XPC: variants seen among roughly 807,000 people sequenced by gnomAD.
XPC encodes XPC complex subunit, DNA damage recognition and repair factor.
A neutral mutation model predicts 95.8 loss-of-function variants in XPC; 76 were observed. That is an observed-to-expected ratio of 0.79 (90% CI 0.66 to 0.96). XPC has a LOEUF of 0.96. XPC is among the 40% of genes least tolerant of loss of function. The pLI is 0.00. For missense variants in XPC, 1,146 were observed against 1,179.8 expected, an observed-to-expected ratio of 0.97 and a Z score of 0.42; for synonymous variants, 442 against 442.1, an observed-to-expected ratio of 1.00 and a Z score of 0.00.
intron 4 of XPC, 52 bp from the exon 5 acceptor site, chr3:14,167,305 C>A (rs953379559): frequency 6.8e-7 from 1 of 1,481,046 alleles, no homozygotes; most frequent in Non-Finnish European, 9.3e-7. Flanking sequence ...TGAAACCAGA[C>A]TCCACTCCCC....
chr3:14,156,544 A>G, intron 9 of XPC, 49 bp from the exon 10 acceptor site: 1 of 1,612,412 alleles, frequency 6.2e-7, no homozygotes, highest in East Asian at 2.2e-5. Context: ...AGAAGAGGAA[A>G]TGAAGTTTGA....
At chr3:14,168,515 T>C (rs558077665) in intron 3 of XPC, 135 bp from the exon 4 acceptor site, 2 of 1,061,922 alleles carry the variant, frequency 1.9e-6, no homozygotes, top group African/African-American at 1.6e-5. Flanking sequence ...CAGAGACCCC[T>C]AGACATGCCT....
In XPC at chr3:14,172,750, T is replaced by C. The variant is rs1052811951; in HGVS notation, c.299+117A>G. On this transcript the variant is annotated intron_variant, in intron 2 of 15. Coordinates refer to ENST00000285021, the MANE Select transcript of XPC (RefSeq NM_004628.5). ...CCGGTCTGAGTTGTACCTAGAAGAA[T>C]TTAAAGATCCAATCTTCCATGGACC... 8 of 1,219,730 alleles carry C rather than the reference T, an allele frequency of 6.6e-6. No individual in the cohort carries two copies. The African/African-American group carries it at 7.7e-5, about 12-fold the overall frequency. The allele number at this position is 1,219,730 out of a possible 1,614,324, so 75.6% of individuals were successfully genotyped here. A position where few individuals can be genotyped will look rare whatever the true frequency, so the allele number is the denominator to read the frequency against.
intron 4 of XPC, among the ~76,000 whole-genome samples, chr3:14,168,016 C>T (rs1433360174): frequency 3.3e-5 from 5 of 151,444 alleles, no homozygotes; most frequent in Admixed American, 2.6e-4. Flanking sequence ...GGTAAGATAA[C>T]GGATGACCTG....
intron 15 of XPC, among the ~76,000 whole-genome samples, 176 bp downstream of exon 15, chr3:14,147,114 G>T (rs1434392073): frequency 3.3e-5 from 5 of 152,198 alleles, no homozygotes; most frequent in African/African-American, 7.2e-5. Context: ...TCACTCCAGG[G>T]ACACCTTTCC....
chr3:14,162,693 A>C (rs1425428044), intron 7 of XPC, among the ~76,000 whole-genome samples: 1 of 152,232 alleles, frequency 6.6e-6, no homozygotes, highest in Non-Finnish European at 1.5e-5. Flanking sequence ...GTCGATCTTT[A>C]TGACCTTGGA....
Position 14,165,503 on chromosome 3 carries a change from G to C in XPC, c.704C>G (p.Ser235Cys). The change falls in exon 6 of 16, where the codon TCC becomes TGC. Residue 235 changes from serine (S) to cysteine (C), a missense_variant. Transcript: ENST00000285021. ...TCTGGTAAAGCGGGCTGGGATGATG[G>C]ACAGGCCAATAGCATGCAGATCTGG... Reference protein sequence around the residue: ...SQPDLHAIGLSIIPARFTRVL... With the variant: ...SQPDLHAIGLCIIPARFTRVL... The C allele has an allele frequency of 6.2e-7, 1 of 1,609,846 alleles. No individual in the cohort carries two copies. The highest frequency in any genetic ancestry group is 1.1e-5 in the South Asian group (1 of 89,956).
intron 7 of XPC, among the ~76,000 whole-genome samples, chr3:14,162,942 A>C (rs1696220295): frequency 1.3e-5 from 2 of 152,214 alleles, no homozygotes; most frequent in African/African-American, 4.8e-5. Context: ...CATAATTAAA[A>C]AATAGGCAAA....
chr3:14,149,331 C>G (rs987122930), intron 11 of XPC, among the ~76,000 whole-genome samples: 1 of 151,920 alleles, frequency 6.6e-6, no homozygotes, highest in Non-Finnish European at 1.5e-5. Context: ...GTGATGCACT[C>G]GCCTCAACCT....
chr3:14,167,986 C>G (rs1696452748), intron 4 of XPC, among the ~76,000 whole-genome samples: 1 of 152,190 alleles, frequency 6.6e-6, no homozygotes, highest in Non-Finnish European at 1.5e-5. Flanking sequence ...TCCTCATTCA[C>G]AACACTGTTC....
At chr3:14,170,754 ATTAC>A in intron 2 of XPC, 1 of 418,460 alleles carries the variant, frequency 2.4e-6, no homozygotes, top group Non-Finnish European at 4.3e-6. Flanking sequence ...CATCTGTCTA[ATTAC>A]TACCAGATGT....
At chr3:14,157,952 A>T in intron 9 of XPC, 59 bp downstream of exon 9, 3 of 1,530,974 alleles carry the variant, frequency 2.0e-6, no homozygotes, top group Non-Finnish European at 2.6e-6. Flanking sequence ...GTGCTCAAAA[A>T]CAGGAATAAT....
intron 11 of XPC, among the ~76,000 whole-genome samples, chr3:14,151,074 G>A (rs1695669552): frequency 6.6e-6 from 1 of 152,090 alleles, no homozygotes; most frequent in African/African-American, 2.4e-5. Context: ...GGCAGGAGCT[G>A]GGGTGGTGGG....
intron 4 of XPC, 86 bp downstream of exon 4, chr3:14,168,171 C>A: frequency 6.7e-7 from 1 of 1,483,394 alleles, no homozygotes; most frequent in African/African-American, 1.4e-5. Context: ...GTCCTGGTCC[C>A]CTACAAGTTT....
At chr3:14,157,984 T>G (rs757233205) in intron 9 of XPC, 27 bp downstream of exon 9, 27 of 1,575,312 alleles carry the variant, frequency 1.7e-5, no homozygotes, top group Non-Finnish European at 2.0e-5. Flanking sequence ...GACTGTGTCT[T>G]GGAGCCCCTG....
At chr3:14,161,300 C>T (rs1006147193) in intron 7 of XPC, among the ~76,000 whole-genome samples, 13 of 152,224 alleles carry the variant, frequency 8.5e-5, no homozygotes, top group South Asian at 2.1e-4. Flanking sequence ...CTCTTTCAAA[C>T]GTTAGAAGAG....
chr3:14,165,804 C>T (rs1696356332), intron 5 of XPC: 1 of 504,592 alleles, frequency 2.0e-6, no homozygotes, highest in Non-Finnish European at 3.5e-6. Context: ...ATCATCAAAC[C>T]TCAAAGCTTC....
chr3:14,145,714 A>G lies in XPC; in HGVS notation c.*227T>C. On this transcript the variant is annotated 3_prime_UTR_variant, in exon 16 of 16. Transcript: ENST00000285021. ...TGGGCTTTGGTAGCAAAAAGCTTTGAAGGCTTCACCCTGGGTGAATCTGAC... is the reference window on the plus strand; with the variant it reads ...TGGGCTTTGGTAGCAAAAAGCTTTGGAGGCTTCACCCTGGGTGAATCTGAC... 1.4e-6 allele frequency: 1 copy of G among 705,598 alleles called. No homozygotes were observed. The highest frequency in any genetic ancestry group is 2.6e-6 in the Non-Finnish European group (1 of 390,452). 43.7% of individuals were successfully genotyped at this position (705,598 alleles called of 1,614,324 possible). A position where few individuals can be genotyped will look rare whatever the true frequency, so the allele number is the denominator to read the frequency against.
At chr3:14,168,676 A>T (rs1696490706) in intron 3 of XPC, among the ~76,000 whole-genome samples, 3 of 152,114 alleles carry the variant, frequency 2.0e-5, no homozygotes, top group Admixed American at 1.3e-4. Flanking sequence ...TCTATCAAAA[A>T]GCTGACACTC....
Sources: gnomAD v4.1 joint callset for allele counts (sites outside exome capture counted in the v4.1 genomes callset) on GRCh38, gnomAD v4.1.1 for gene constraint, MANE v1.5 for transcripts, NCBI Gene and HGNC (gene_info 2026-07-23, HGNC 2026-07-21) for gene names.